VWC2L: variants seen among roughly 807,000 people sequenced by gnomAD.
VWC2L encodes von Willebrand factor C domain-containing protein 2-like.
VWC2L carries 10 observed loss-of-function variants against 21.6 expected under a neutral mutation model. The observed-to-expected ratio is 0.46, with a 90% CI of 0.29 to 0.78. The LOEUF is 0.78. Among genes scored for constraint, VWC2L ranks in the 30% least tolerant of loss-of-function variants. The probability of loss-of-function intolerance (pLI) is 0.10; values close to 1 mark genes in which losing one functional copy is unlikely to be tolerated. For missense variants in VWC2L, 209 were observed against 277.1 expected (o/e 0.75, Z 1.74); for synonymous variants, 96 against 94.3 (o/e 1.02, Z -0.10).
At chr2:214,462,027 C>T (rs1310873981) in intron 3 of VWC2L, among the ~76,000 whole-genome samples, 2 of 152,128 alleles carry the variant, frequency 1.3e-5, no homozygotes, top group Non-Finnish European at 2.9e-5. Context: ...TTACTGTAGC[C>T]CTCTGTGTAG....
At chr2:214,544,633 G>A (rs889527295) in intron 3 of VWC2L, among the ~76,000 whole-genome samples, 4 of 152,084 alleles carry the variant, frequency 2.6e-5, no homozygotes, top group Non-Finnish European at 4.4e-5. Flanking sequence ...AATGGCGAAT[G>A]GCACACAGGT....
intron 3 of VWC2L, among the ~76,000 whole-genome samples, chr2:214,457,314 A>G (rs577073707): frequency 3.9e-5 from 6 of 152,090 alleles, no homozygotes; most frequent in Non-Finnish European, 5.9e-5. Context: ...TTTCTTTTTC[A>G]ACTAGCTCAT....
At chr2:214,425,122 TAA>T (rs1267971201) in intron 2 of VWC2L, among the ~76,000 whole-genome samples, 1 of 152,226 alleles carries the variant, frequency 6.6e-6, no homozygotes, top group Non-Finnish European at 1.5e-5. Context: ...CCACAAAATC[TAA>T]AATATTTACT....
intron 3 of VWC2L, among the ~76,000 whole-genome samples, chr2:214,507,139 T>C (rs1330423571): frequency 6.6e-6 from 1 of 152,152 alleles, no homozygotes; most frequent in Non-Finnish European, 1.5e-5. Context: ...TCTACCACAA[T>C]TAAATCTAAC....
intron 3 of VWC2L, among the ~76,000 whole-genome samples, chr2:214,514,495 T>C (rs1689109487): frequency 6.6e-6 from 1 of 152,218 alleles, no homozygotes; most frequent in African/African-American, 2.4e-5. Flanking sequence ...AATAATGGAA[T>C]AGTAGTAAAC....
At chr2:214,575,034 TAAA>T (rs3046806) in intron 3 of VWC2L, among the ~76,000 whole-genome samples, 36,123 of 117,942 alleles carry the variant, frequency 0.31, 5,546 homozygotes, top group African/African-American at 0.49. Flanking sequence ...GGTCATTCTT[TAAA>T]AAAAAAAAAA....
At chr2:214,560,446 G>A (rs1025156700) in intron 3 of VWC2L, among the ~76,000 whole-genome samples, 3 of 152,276 alleles carry the variant, frequency 2.0e-5, no homozygotes, top group Admixed American at 6.5e-5. Flanking sequence ...CCCTTTCCCT[G>A]AGTGAGAACA....
At chr2:214,485,374 A>G (rs1040304167) in intron 3 of VWC2L, among the ~76,000 whole-genome samples, 1 of 152,152 alleles carries the variant, frequency 6.6e-6, no homozygotes, top group Non-Finnish European at 1.5e-5. Context: ...ATGCAGTGGT[A>G]AAGAGACAAG....
At chr2:214,468,025 C>A (rs1488411324) in intron 3 of VWC2L, among the ~76,000 whole-genome samples, 5 of 148,280 alleles carry the variant, frequency 3.4e-5, no homozygotes, top group African/African-American at 1.2e-4. Flanking sequence ...GGTTTTACGT[C>A]TTTTTTTTTT....
At chr2:214,458,415 T>C (rs1040818287) in intron 3 of VWC2L, among the ~76,000 whole-genome samples, 1 of 152,126 alleles carries the variant, frequency 6.6e-6, no homozygotes, top group Non-Finnish European at 1.5e-5. Flanking sequence ...TGATGTTTTT[T>C]AGCTTCTAAT....
intron 3 of VWC2L, among the ~76,000 whole-genome samples, chr2:214,550,185 T>C (rs186703800): frequency 1.2e-3 from 181 of 152,326 alleles, no homozygotes; most frequent in African/African-American, 4.3e-3. Flanking sequence ...GCTGTGCCAT[T>C]TGGAATGAAA....
intron 3 of VWC2L, among the ~76,000 whole-genome samples, chr2:214,508,393 C>T (rs1261005654): frequency 6.6e-6 from 1 of 152,170 alleles, no homozygotes. Flanking sequence ...CTTTTCATCC[C>T]ACATTTTCCC....
chr2:214,526,635 T>C (rs570012123), intron 3 of VWC2L, among the ~76,000 whole-genome samples: 1 of 152,362 alleles, frequency 6.6e-6, no homozygotes, highest in South Asian at 2.1e-4. Flanking sequence ...TGTTTCTTCC[T>C]ATTGGTTTCT....
At chr2:214,514,853 A>G (rs1197597726) in intron 3 of VWC2L, among the ~76,000 whole-genome samples, 2 of 152,266 alleles carry the variant, frequency 1.3e-5, no homozygotes, top group Non-Finnish European at 2.9e-5. Flanking sequence ...TGCATAAAAT[A>G]TCATGCACAG....
At chr2:214,494,912 T>C (rs1307375737) in intron 3 of VWC2L, among the ~76,000 whole-genome samples, 1 of 152,132 alleles carries the variant, frequency 6.6e-6, no homozygotes, top group Admixed American at 6.6e-5. Context: ...CATTTGCCCA[T>C]GAAATAAAGT....
intron 3 of VWC2L, among the ~76,000 whole-genome samples, chr2:214,477,635 G>T (rs541660488): frequency 2.0e-4 from 31 of 152,302 alleles, no homozygotes; most frequent in Non-Finnish European, 4.4e-4. Context: ...CCATTTTATA[G>T]CTGAAGACAC....
intron 3 of VWC2L, among the ~76,000 whole-genome samples, chr2:214,539,115 G>T (rs962430176): frequency 1.3e-5 from 2 of 152,060 alleles, no homozygotes; most frequent in African/African-American, 4.8e-5. Flanking sequence ...ACGTGATGGT[G>T]CTCTCCTCGG....
At chr2:214,547,965 T>C (rs895844776) in intron 3 of VWC2L, among the ~76,000 whole-genome samples, 2 of 152,206 alleles carry the variant, frequency 1.3e-5, no homozygotes, top group Non-Finnish European at 2.9e-5. Flanking sequence ...CCTCTAACTG[T>C]ATGCATTAGA....
intron 3 of VWC2L, among the ~76,000 whole-genome samples, chr2:214,549,898 C>G (rs964065193): frequency 1.3e-5 from 2 of 152,134 alleles, no homozygotes; most frequent in Non-Finnish European, 2.9e-5. Context: ...CTAAACATAA[C>G]AGCCTTGATG....
Sources: allele counts gnomAD v4.1 joint callset (sites outside exome capture counted in the v4.1 genomes callset), GRCh38; gene constraint gnomAD v4.1.1; transcripts MANE v1.5; gene names NCBI Gene and HGNC (gene_info 2026-07-23, HGNC 2026-07-21).